Variants in TEAD4 observed in about 807,000 individuals in gnomAD.
TEAD4 encodes the protein transcriptional enhancer factor TEF-3.
In TEAD4, 36 loss-of-function variants were observed where a neutral mutation model predicts 52.4. The observed-to-expected ratio is 0.69, with a 90% CI of 0.53 to 0.91. The LOEUF (loss-of-function observed/expected upper bound fraction) is 0.91. Ranked by LOEUF, TEAD4 falls within the 40% of genes least tolerant of loss-of-function variation. The pLI is 0.00. For synonymous variants in TEAD4, 220 were observed against 231.0 expected, an observed-to-expected ratio of 0.95 and a Z score of 0.43; for missense variants, 508 against 583.9, an observed-to-expected ratio of 0.87 and a Z score of 1.34.
At chr12:3,027,150 C>A (rs1242594904) in intron 10 of TEAD4, among the ~76,000 whole-genome samples, 1 of 152,080 alleles carries the variant, frequency 6.6e-6, no homozygotes, top group African/African-American at 2.4e-5. Context: ...CGCTACCACG[C>A]TTGGCTAATT....
chr12:2,986,055 C>T (rs554958754), intron 2 of TEAD4, among the ~76,000 whole-genome samples: 13 of 152,026 alleles, frequency 8.6e-5, no homozygotes, highest in Middle Eastern at 3.4e-3. Flanking sequence ...CACTGCATTC[C>T]AGCCTGGGGA....
chr12:2,973,772 C>T (rs568067740), intron 2 of TEAD4, among the ~76,000 whole-genome samples: 2 of 152,194 alleles, frequency 1.3e-5, no homozygotes, highest in Admixed American at 1.3e-4. Context: ...TCCAGAAAAA[C>T]AAATGTTCAT....
intron 9 of TEAD4, 59 bp from the exon 10 acceptor site, chr12:3,021,785 G>A (rs1243716981): frequency 6.3e-7 from 1 of 1,575,998 alleles, no homozygotes; most frequent in Non-Finnish European, 8.6e-7. Flanking sequence ...CAGAGCCAGG[G>A]TTGTCTGTCT....
chr12:2,993,434 A>G (rs1037859762), intron 2 of TEAD4, among the ~76,000 whole-genome samples: 20 of 151,968 alleles, frequency 1.3e-4, no homozygotes, highest in Admixed American at 1.3e-3. Context: ...TACAGGTGTG[A>G]GCCTCTGCAC....
At chr12:3,018,983 G>T (rs1320918436) in intron 7 of TEAD4, 132 bp from the exon 8 acceptor site, 9 of 1,113,492 alleles carry the variant, frequency 8.1e-6, no homozygotes, top group Non-Finnish European at 4.0e-6. Context: ...GCGGGAGTAG[G>T]AGGCCAAGGC....
chr12:3,038,237 T>C, intron 11 of TEAD4, 129 bp downstream of exon 11: 3 of 1,270,426 alleles, frequency 2.4e-6, no homozygotes, highest in Non-Finnish European at 2.2e-6. Context: ...GCCTTCCCTG[T>C]CTGCTGTCAG....
intron 6 of TEAD4, among the ~76,000 whole-genome samples, 200 bp from the exon 7 acceptor site, chr12:3,018,345 C>G (rs966153565): frequency 6.6e-6 from 1 of 152,282 alleles, no homozygotes; most frequent in Non-Finnish European, 1.5e-5. Context: ...TGGAGCCCCT[C>G]CTCCACAGGG....
chr12:2,989,294 TA>T (rs2098241212), intron 2 of TEAD4, among the ~76,000 whole-genome samples: 1 of 152,198 alleles, frequency 6.6e-6, no homozygotes, highest in African/African-American at 2.4e-5. Context: ...TATTTTTGTC[TA>T]AAAATGCCTC....
At chr12:3,032,518 T>A (rs2098276305) in intron 10 of TEAD4, among the ~76,000 whole-genome samples, 1 of 152,278 alleles carries the variant, frequency 6.6e-6, no homozygotes, top group African/African-American at 2.4e-5. Flanking sequence ...AGAGTCTCAG[T>A]TCTACCACTT....
intron 2 of TEAD4, among the ~76,000 whole-genome samples, chr12:2,975,896 G>T (rs149824754): frequency 6.6e-6 from 1 of 152,126 alleles, no homozygotes; most frequent in Non-Finnish European, 1.5e-5. Context: ...CTGTAGTTTT[G>T]CCTTTTCTAG....
chr12:2,977,878 C>G (rs187619597), intron 2 of TEAD4, among the ~76,000 whole-genome samples: 114 of 152,326 alleles, frequency 7.5e-4, no homozygotes, highest in African/African-American at 2.5e-3. Flanking sequence ...CTGAGAAGGG[C>G]CCTTTTTTGG....
chr12:3,022,193 C>T (rs1343242537), intron 10 of TEAD4, among the ~76,000 whole-genome samples, 176 bp downstream of exon 10: 3 of 152,100 alleles, frequency 2.0e-5, no homozygotes, highest in East Asian at 1.9e-4. Context: ...AGCCGAGGAG[C>T]GGGGCGGTGA....
intron 11 of TEAD4, among the ~76,000 whole-genome samples, chr12:3,039,152 G>T (rs1234084127): frequency 6.6e-6 from 1 of 152,214 alleles, no homozygotes; most frequent in Non-Finnish European, 1.5e-5. Context: ...GCTGCACCTT[G>T]CAGTCTCCTG....
intron 2 of TEAD4, among the ~76,000 whole-genome samples, chr12:2,985,623 A>T (rs1052375225): frequency 7.0e-6 from 1 of 142,874 alleles, no homozygotes; most frequent in African/African-American, 2.6e-5. Context: ...CTCCTGCCTC[A>T]GCCTCCCTAG....
chr12:2,989,913 ATGTCTTC>A (rs1360027526), intron 2 of TEAD4, among the ~76,000 whole-genome samples: 1 of 152,162 alleles, frequency 6.6e-6, no homozygotes, highest in African/African-American at 2.4e-5. Flanking sequence ...TATTGGAGTC[ATGTCTTC>A]TATTAATCTG....
chr12:3,003,886 G>GGGAAAA (rs1555124972), intron 3 of TEAD4, among the ~76,000 whole-genome samples: 1 of 152,228 alleles, frequency 6.6e-6, no homozygotes, highest in Non-Finnish European at 1.5e-5. Flanking sequence ...GGGCAGAGCT[G>GGGAAAA]GGACAAGGAC....
intron 2 of TEAD4, among the ~76,000 whole-genome samples, chr12:2,968,450 T>G (rs1014524458): frequency 3.2e-5 from 4 of 124,246 alleles, no homozygotes; most frequent in African/African-American, 9.1e-5. Flanking sequence ...CAGGCTAGAG[T>G]GCAGCGTTGC....
At chr12:2,978,031 C>G (rs1369953592) in intron 2 of TEAD4, among the ~76,000 whole-genome samples, 1 of 152,208 alleles carries the variant, frequency 6.6e-6, no homozygotes, top group Admixed American at 6.5e-5. Context: ...TTCCTTCCAT[C>G]CCTCGGGACT....
chr12:3,011,848 T>C (rs1349273455), intron 4 of TEAD4, among the ~76,000 whole-genome samples: 1 of 151,934 alleles, frequency 6.6e-6, no homozygotes, highest in African/African-American at 2.4e-5. Flanking sequence ...GTATTTTTAG[T>C]AGAAATGGAG....
Sources: allele counts gnomAD v4.1 joint callset (sites outside exome capture counted in the v4.1 genomes callset), GRCh38; gene constraint gnomAD v4.1.1; transcripts MANE v1.5; gene names NCBI Gene and HGNC (gene_info 2026-07-23, HGNC 2026-07-21).